Variants in LRRC9 observed in about 807,000 individuals in gnomAD.
The protein encoded by LRRC9 is leucine-rich repeat-containing protein 9.
In LRRC9, 122 loss-of-function variants were observed where a neutral mutation model predicts 63.2. The observed-to-expected ratio is 1.93, with a 90% CI of 1.67 to 2.24. LRRC9 has a LOEUF of 2.24. Ranked by LOEUF, LRRC9 falls within the 30% of genes most tolerant of loss-of-function variation. The pLI, the probability that LRRC9 is intolerant of heterozygous loss-of-function variation, is 0.00. For missense variants in LRRC9, 1,071 were observed against 627.7 expected, an observed-to-expected ratio of 1.71 and a Z score of -7.55; for synonymous variants, 366 against 213.1, an observed-to-expected ratio of 1.72 and a Z score of -6.25.
intron 6 of LRRC9, among the ~76,000 whole-genome samples, chr14:59,933,511 C>T (rs1889884168): frequency 6.6e-6 from 1 of 152,180 alleles, no homozygotes. Context: ...TATTCAAACA[C>T]ATCCTCTAGA....
rs775590848 is a variant in LRRC9 at position 59,958,498 on chromosome 14, T to G, written c.883-1320T>G. Among the ~76,000 whole-genome samples the G allele has an allele frequency of 6.6e-6, 1 of 152,158 alleles. No individual in the cohort carries two copies. Among genetic ancestry groups the G allele is most frequent in the Non-Finnish European group, 1.5e-5 (1 of 68,006 alleles). On this transcript the variant is annotated intron_variant, in intron 8 of 31. Transcript: ENST00000445360. The surrounding 1 kb of genome is among the most constrained non-coding windows in gnomAD (Gnocchi z 4.0). ...CCCAACCAAGCTCAATCGACCCAGG[T>G]CGACTTCAGACTGCTGTGCTGGCAG...
rs1302504769 is a variant in LRRC9 at position 60,031,086 on chromosome 14, G to C, written c.3922-909G>C. Among the ~76,000 whole-genome samples, 1 of 152,012 alleles carries C rather than the reference G, an allele frequency of 6.6e-6. No individual in the cohort carries two copies. ...GACTTTTCGCATGTCCATGATTACT[G>C]ATCAGGCTTTGGTTCCACAGATAGA... On this transcript the variant is annotated intron_variant, in intron 28 of 31. Transcript: ENST00000445360. The surrounding 1 kb of genome is among the most constrained non-coding windows in gnomAD (Gnocchi z 4.6).
At chr14:60,007,975 G>A in intron 22 of LRRC9, 117 bp from the exon 23 acceptor site, 2 of 442,888 alleles carry the variant, frequency 4.5e-6, no homozygotes, top group Non-Finnish European at 7.9e-6. Flanking sequence ...ATACTTAAAG[G>A]CACTGAAATC....
rs553234652 is a variant in LRRC9 at position 59,920,553 on chromosome 14, G to A, written c.-34+670G>A. ...CTGCACCAATTAAGATTCTGGGCTG[G>A]AAAAACCAAGTGCTCCCTAACCAAA... is the stretch of plus-strand genomic sequence containing the variant. On this transcript the variant is annotated intron_variant, in intron 1 of 31. Transcript: ENST00000445360. Among the ~76,000 whole-genome samples the A allele has an allele frequency of 3.9e-5, 6 of 152,256 alleles. 1 individual carries two copies. The highest frequency in any genetic ancestry group is 1.2e-4 in the African/African-American group (5 of 41,558).
chr14:60,047,692 T>C (rs1320631708), intron 29 of LRRC9, among the ~76,000 whole-genome samples: 1 of 152,132 alleles, frequency 6.6e-6, no homozygotes, highest in African/African-American at 2.4e-5. Context: ...CACACAATAA[T>C]AGTGGAAGAT....
intron 6 of LRRC9, among the ~76,000 whole-genome samples, chr14:59,933,043 A>G (rs1889836463): frequency 6.6e-6 from 1 of 152,190 alleles, no homozygotes; most frequent in African/African-American, 2.4e-5. Context: ...ACTGGTCTGA[A>G]TACACCTAGC....
intron 7 of LRRC9, among the ~76,000 whole-genome samples, chr14:59,939,872 G>A (rs1881571659): frequency 6.6e-6 from 1 of 151,944 alleles, no homozygotes; most frequent in South Asian, 2.1e-4. Context: ...GGATATATGA[G>A]TCTACTATGT....
chr14:60,003,782 C>A lies in LRRC9; in HGVS notation c.2826C>A (p.Cys942Ter). The A allele has an allele frequency of 1.6e-6, 1 of 614,464 alleles. No individual in the cohort carries two copies. The highest frequency in any genetic ancestry group is 2.0e-5 in the South Asian group (1 of 50,686). 38.1% of individuals were successfully genotyped at this position (614,464 alleles called of 1,614,324 possible). ...AAGAGCTCACATTAGATGGAAACTG[C>A]ATCTCAAAGATAGAAGGTAAGGTAC... is the stretch of plus-strand genomic sequence containing the variant. Residue 942 changes from cysteine (C) to a stop codon, truncating the protein, a stop_gained, in exon 21 of 32, where the codon TGC (cysteine) becomes TGA (stop). Coordinates refer to ENST00000445360, the Ensembl canonical transcript of LRRC9. LOFTEE classifies it high-confidence loss of function. The surrounding 1 kb of genome is among the most constrained non-coding windows in gnomAD (Gnocchi z 4.2).
At chr14:60,006,356 G>C in intron 21 of LRRC9, 41 bp from the exon 22 acceptor site, 1 of 660,600 alleles carries the variant, frequency 1.5e-6, no homozygotes, top group East Asian at 2.7e-5. Context: ...TAAACCTTTA[G>C]TGTTATCTGA....
At position 60,031,146 on chromosome 14, in the gene LRRC9, T is replaced by C. The variant is rs977974959; in HGVS notation, c.3922-849T>C. Among the ~76,000 whole-genome samples, 1 of 152,038 alleles carries C rather than the reference T, an allele frequency of 6.6e-6. No individual in the cohort carries two copies. On this transcript the variant is annotated intron_variant, in intron 28 of 31. Transcript: ENST00000445360. This position sits in a 1 kb window ranked among gnomAD's most constrained non-coding sequence, Gnocchi z 4.6. ...TGGGTAAAAATGCACAATATCTCTA[T>C]AGATTTACAGATTTTTCAAAGCCCT...
chr14:59,925,030 G>C (rs1306972775), intron 1 of LRRC9, among the ~76,000 whole-genome samples: 3 of 151,470 alleles, frequency 2.0e-5, no homozygotes, highest in Non-Finnish European at 2.9e-5. Context: ...ATCTGATAAG[G>C]TCCTGATCTT....
intron 12 of LRRC9, among the ~76,000 whole-genome samples, chr14:59,973,916 CCT>C (rs1202054266): frequency 6.6e-6 from 1 of 152,056 alleles, no homozygotes; most frequent in African/African-American, 2.4e-5. Flanking sequence ...GACAAATAGA[CCT>C]GAGTTCAAAT....
intron 8 of LRRC9, among the ~76,000 whole-genome samples, chr14:59,956,996 C>T (rs1423058067): frequency 6.6e-6 from 1 of 152,164 alleles, no homozygotes; most frequent in Non-Finnish European, 1.5e-5. Flanking sequence ...GCAGAGAGAT[C>T]AGCTGTTAGT....
intron 23 of LRRC9, among the ~76,000 whole-genome samples, chr14:60,016,370 A>C (rs190015184): frequency 5.3e-5 from 8 of 152,042 alleles, no homozygotes; most frequent in Admixed American, 5.2e-4. Flanking sequence ...TGCTTGACTA[A>C]TTCTTTTTTG....
At chr14:60,038,591 GT>G (rs1892660304) in intron 29 of LRRC9, among the ~76,000 whole-genome samples, 1 of 152,158 alleles carries the variant, frequency 6.6e-6, no homozygotes, top group African/African-American at 2.4e-5. Context: ...GTATAGGAAT[GT>G]TTGTAATTTT....
chr14:60,026,250 C>A (rs976478760), intron 27 of LRRC9, among the ~76,000 whole-genome samples: 2 of 151,870 alleles, frequency 1.3e-5, no homozygotes, highest in Non-Finnish European at 2.9e-5. Context: ...GACATTCTAC[C>A]CCTTTCTCTA....
At chr14:59,999,078 A>AT (rs766933620) in intron 18 of LRRC9, 23 bp from the exon 19 acceptor site, 1,238 of 585,208 alleles carry the variant, frequency 2.1e-3, no homozygotes, top group South Asian at 4.1e-3. Context: ...TTTATAAAAA[A>AT]TTTTTTTTTT....
At chr14:59,941,387 T>C (rs78829054) in intron 7 of LRRC9, among the ~76,000 whole-genome samples, 1 of 151,636 alleles carries the variant, frequency 6.6e-6, no homozygotes, top group African/African-American at 2.4e-5. Context: ...AAAACTAGTA[T>C]GTTTTAATCT....
chr14:59,953,879 G>A (rs917174362), intron 8 of LRRC9, among the ~76,000 whole-genome samples: 22 of 152,260 alleles, frequency 1.4e-4, no homozygotes, highest in African/African-American at 4.6e-4. Flanking sequence ...TTCTGCATAT[G>A]GCTAGCCAGT....
Sources: allele counts gnomAD v4.1 joint callset (sites outside exome capture counted in the v4.1 genomes callset), GRCh38; gene constraint gnomAD v4.1.1; non-coding constraint Gnocchi (gnomAD v3.1); transcripts MANE v1.5; gene names NCBI Gene and HGNC (gene_info 2026-07-23, HGNC 2026-07-21).